Variants in SATB2 observed in about 807,000 individuals in gnomAD.
SATB2 encodes the protein DNA-binding protein SATB2.
Under a neutral mutation model 73.4 loss-of-function variants are expected in SATB2, and 1 was observed. That is an observed-to-expected ratio of 0.01 (90% CI 0.00 to 0.06). The LOEUF (loss-of-function observed/expected upper bound fraction) is 0.06, where lower values mean the gene tolerates loss of function less well. Among genes scored for constraint, SATB2 ranks in the 10% least tolerant of loss-of-function variants. The pLI, the probability that SATB2 is intolerant of heterozygous loss-of-function variation, is 1.00. For synonymous variants in SATB2, 397 were observed against 367.0 expected, an observed-to-expected ratio of 1.08 and a Z score of -0.93; for missense variants, 459 against 945.8, an observed-to-expected ratio of 0.49 and a Z score of 6.75.
intron 2 of SATB2, among the ~76,000 whole-genome samples, chr2:199,448,240 A>C (rs1692021244): frequency 6.6e-6 from 1 of 152,228 alleles, no homozygotes; most frequent in Non-Finnish European, 1.5e-5. Context: ...TAATAATTGA[A>C]ACAAATGCAA....
intron 5 of SATB2, among the ~76,000 whole-genome samples, chr2:199,371,099 A>G (rs1007007972): frequency 1.3e-5 from 2 of 152,170 alleles, no homozygotes; most frequent in African/African-American, 4.8e-5. Flanking sequence ...GTTTTTACTG[A>G]TAAGAATTGT....
rs1367720345 is a variant in SATB2, at chr2:199,323,898, T to C, written c.1447A>G (p.Ile483Val). The C allele has an allele frequency of 1.9e-6, 3 of 1,613,426 alleles. No individual in the cohort carries two copies. Among genetic ancestry groups the C allele is most frequent in the Admixed American group, 3.3e-5 (2 of 59,950 alleles). ...ATCTCGTCATAAATGGCAGCTGTGA[T>C]GTTGATGTTGGCGCCGTCCACCTTA... ...PIKVDGANIN[I>V]TAAIYDEIQQ... The change falls in exon 9 of 11, where the codon ATC (isoleucine) becomes GTC (valine). Residue 483 changes from isoleucine to valine, a missense_variant. Around this residue, in one of 13 missense-constraint regions of SATB2, gnomAD observed 53 missense variants for 70.5 expected, o/e 0.75. Transcript: ENST00000417098.
intron 6 of SATB2, among the ~76,000 whole-genome samples, chr2:199,353,122 C>T (rs1688867454): frequency 6.8e-6 from 1 of 146,158 alleles, no homozygotes; most frequent in South Asian, 2.2e-4. Flanking sequence ...AACACGATTT[C>T]AGAAACCATT....
intron 7 of SATB2, among the ~76,000 whole-genome samples, chr2:199,344,461 C>T (rs1351600620): frequency 6.6e-6 from 1 of 152,182 alleles, no homozygotes; most frequent in Non-Finnish European, 1.5e-5. Context: ...ATGTCTGGAA[C>T]ATGTGAGAGT....
chr2:199,335,537 G>A (rs1028656642), intron 7 of SATB2, among the ~76,000 whole-genome samples: 4 of 152,128 alleles, frequency 2.6e-5, no homozygotes, highest in African/African-American at 9.7e-5. Flanking sequence ...CCATGATACA[G>A]TAAACTCCTT....
intron 10 of SATB2, among the ~76,000 whole-genome samples, chr2:199,300,947 T>C (rs188625417): frequency 1.3e-5 from 2 of 152,024 alleles, no homozygotes; most frequent in African/African-American, 2.4e-5. Flanking sequence ...CAGTCACTCA[T>C]AGGAGGAGTT....
At chr2:199,333,054 C>A (rs1244735780) in intron 7 of SATB2, among the ~76,000 whole-genome samples, 1 of 151,926 alleles carries the variant, frequency 6.6e-6, no homozygotes, top group Non-Finnish European at 1.5e-5. Flanking sequence ...AGGTAACTCC[C>A]TAGGATTAGG....
upstream of SATB2, chr2:199,468,260 C>T (rs994901936): frequency 3.9e-5 from 6 of 151,982 alleles, no homozygotes; most frequent in African/African-American, 7.3e-5. Context: ...TCCTGCAACC[C>T]GGTAGGAGGA....
At chr2:199,449,868 A>C (rs1574640112) in intron 2 of SATB2, among the ~76,000 whole-genome samples, 1 of 152,296 alleles carries the variant, frequency 6.6e-6, no homozygotes, top group South Asian at 2.1e-4. Flanking sequence ...AGACCATACA[A>C]TCAAAGTCAG....
chr2:199,303,477 T>C (rs1687342253), intron 10 of SATB2, among the ~76,000 whole-genome samples: 1 of 152,134 alleles, frequency 6.6e-6, no homozygotes, highest in Non-Finnish European at 1.5e-5. Flanking sequence ...GTCTCAGAGA[T>C]ACTAATGATT....
intron 3 of SATB2, among the ~76,000 whole-genome samples, chr2:199,427,131 G>C (rs1196794103): frequency 6.6e-6 from 1 of 152,138 alleles, no homozygotes; most frequent in Admixed American, 6.5e-5. Flanking sequence ...GCCCACCTCA[G>C]CCTCCCAAAC....
chr2:199,407,552 C>A (rs1690671405), intron 3 of SATB2, among the ~76,000 whole-genome samples: 1 of 152,072 alleles, frequency 6.6e-6, no homozygotes, highest in African/African-American at 2.4e-5. Flanking sequence ...TAAGTGAAGT[C>A]AGGAACTCAA....
chr2:199,444,463 T>C, intron 2 of SATB2, among the ~76,000 whole-genome samples: 1 of 152,162 alleles, frequency 6.6e-6, no homozygotes, highest in Non-Finnish European at 1.5e-5. Context: ...AACACCTTAA[T>C]CTCAAAAAGA....
intron 6 of SATB2, among the ~76,000 whole-genome samples, chr2:199,360,858 A>G (rs1384547708): frequency 6.6e-6 from 1 of 151,922 alleles, no homozygotes; most frequent in Non-Finnish European, 1.5e-5. Flanking sequence ...CTCCAATGTC[A>G]TTATGGTATC....
chr2:199,325,644 A>G (rs1251729003), intron 8 of SATB2, among the ~76,000 whole-genome samples: 1 of 152,096 alleles, frequency 6.6e-6, no homozygotes, highest in African/African-American at 2.4e-5. Flanking sequence ...AGTTTTCTTA[A>G]TTTGCCTCAC....
chr2:199,345,579 C>A (rs1688627252), intron 7 of SATB2, among the ~76,000 whole-genome samples: 1 of 152,160 alleles, frequency 6.6e-6, no homozygotes, highest in Non-Finnish European at 1.5e-5. Context: ...CATAATTACA[C>A]CTTTATTCTC....
At chr2:199,311,876 T>C (rs948378495) in intron 9 of SATB2, among the ~76,000 whole-genome samples, 18 of 152,182 alleles carry the variant, frequency 1.2e-4, no homozygotes, top group Non-Finnish European at 2.2e-4. Context: ...ATTAGCTTGT[T>C]TGCTGGCTAA....
chr2:199,458,786 C>T, upstream of SATB2: 1 of 384,678 alleles, frequency 2.6e-6, no homozygotes, highest in South Asian at 1.8e-5. Flanking sequence ...CCACCGCCTC[C>T]GCCCCTCCGA....
At chr2:199,329,219 C>T in intron 7 of SATB2, 1 of 398,574 alleles carries the variant, frequency 2.5e-6, no homozygotes, top group South Asian at 2.4e-5. Context: ...CCACCAGGTG[C>T]CTCCTACAAG....
Sources: allele counts gnomAD v4.1 joint callset (sites outside exome capture counted in the v4.1 genomes callset), GRCh38; gene constraint gnomAD v4.1.1; regional missense constraint gnomAD v4.1.1; transcripts MANE v1.5; gene names NCBI Gene and HGNC (gene_info 2026-07-23, HGNC 2026-07-21).